The following GRIP1 variants were observed in gnomAD, a reference collection of about 807,000 sequenced individuals.
GRIP1 encodes glutamate receptor interacting protein 1, also known as glutamate receptor-interacting protein 1.
GRIP1 carries 45 observed loss-of-function variants against 129.9 expected under a neutral mutation model. The observed-to-expected ratio is 0.35, with a 90% CI of 0.27 to 0.44. The LOEUF (loss-of-function observed/expected upper bound fraction) is 0.44. Ranked by LOEUF, GRIP1 falls within the 20% of genes least tolerant of loss-of-function variation. The probability of loss-of-function intolerance (pLI) is 1.00; values close to 1 mark genes in which losing one functional copy is unlikely to be tolerated. For missense variants in GRIP1, 1,196 were observed against 1,396.8 expected, an observed-to-expected ratio of 0.86 and a Z score of 2.29; for synonymous variants, 530 against 520.8, an observed-to-expected ratio of 1.02 and a Z score of -0.24.
chr12:66,893,265 T>C (rs989122498), intron 1 of GRIP1, among the ~76,000 whole-genome samples: 1 of 151,968 alleles, frequency 6.6e-6, no homozygotes, highest in Admixed American at 6.5e-5. Context: ...TTATTATTTT[T>C]TGAGAAAGAG....
At chr12:67,058,404 T>C (rs1484556340) in intron 1 of GRIP1, among the ~76,000 whole-genome samples, 1 of 152,242 alleles carries the variant, frequency 6.6e-6, no homozygotes, top group African/African-American at 2.4e-5. Context: ...AAAAGACTTA[T>C]TAATTCTAAC....
chr12:66,505,177 A>G (rs2060495108), intron 7 of GRIP1, among the ~76,000 whole-genome samples: 1 of 152,232 alleles, frequency 6.6e-6, no homozygotes, highest in Non-Finnish European at 1.5e-5. Flanking sequence ...AGTCCTTAAA[A>G]GTAGAGGACT....
chr12:66,577,979 C>T (rs1019514886), intron 2 of GRIP1, among the ~76,000 whole-genome samples: 1 of 152,082 alleles, frequency 6.6e-6, no homozygotes, highest in Non-Finnish European at 1.5e-5. Context: ...ATCAACAAAA[C>T]AAATAAACAT....
At chr12:66,523,993 T>C (rs1310141778) in intron 5 of GRIP1, among the ~76,000 whole-genome samples, 2 of 152,152 alleles carry the variant, frequency 1.3e-5, no homozygotes, top group Non-Finnish European at 2.9e-5. Flanking sequence ...CCTAAATATA[T>C]ATACACCCAA....
At chr12:66,446,794 C>T (rs955316826) in intron 11 of GRIP1, among the ~76,000 whole-genome samples, 11 of 152,108 alleles carry the variant, frequency 7.2e-5, no homozygotes, top group Admixed American at 7.2e-4. Flanking sequence ...GCAATACCAC[C>T]CTACTTCCAC....
At chr12:66,808,477 G>A (rs35852284), upstream of GRIP1, among the ~76,000 whole-genome samples, 35,054 of 151,072 alleles carry the variant, frequency 0.23, 4,593 homozygotes, top group Non-Finnish European at 0.31. Context: ...TTTGTGTTTT[G>A]TTTGTTTGTT....
chr12:66,702,920 T>A (rs758733590), intron 1 of GRIP1, among the ~76,000 whole-genome samples: 1 of 152,158 alleles, frequency 6.6e-6, no homozygotes, highest in Admixed American at 6.6e-5. Flanking sequence ...AGAAACACCA[T>A]GAGATAAAAG....
chr12:66,831,751 G>T (rs527387093), intron 1 of GRIP1, among the ~76,000 whole-genome samples: 7 of 152,164 alleles, frequency 4.6e-5, no homozygotes, highest in African/African-American at 1.4e-4. Context: ...GACGAGCACG[G>T]TACAAAACCC....
intron 1 of GRIP1, among the ~76,000 whole-genome samples, chr12:66,617,085 T>TTGTGTGTGTGTGTGTGTGTGTGTG (rs71436017): frequency 1.5e-5 from 2 of 135,450 alleles, no homozygotes; most frequent in Non-Finnish European, 3.1e-5. Context: ...AACAGACGTT[T>TTGTGTGTGTGTGTGTGTGTGTGTG]TGTGTGTGTG....
At chr12:66,940,234 C>G (rs184116204) in intron 1 of GRIP1, among the ~76,000 whole-genome samples, 17 of 152,256 alleles carry the variant, frequency 1.1e-4, no homozygotes, top group Admixed American at 9.8e-4. Context: ...ACACATCACA[C>G]TCCTATTGCT....
chr12:66,389,070 C>T (rs2056475642), intron 19 of GRIP1, among the ~76,000 whole-genome samples: 1 of 152,182 alleles, frequency 6.6e-6, no homozygotes, highest in African/African-American at 2.4e-5. Flanking sequence ...GCAACTATTA[C>T]AGCCTTAAAG....
intron 1 of GRIP1, among the ~76,000 whole-genome samples, chr12:67,065,679 AT>A (rs2043613032): frequency 6.6e-6 from 1 of 152,210 alleles, no homozygotes; most frequent in African/African-American, 2.4e-5. Flanking sequence ...CTAACTACAC[AT>A]TATTAAACAC....
chr12:66,836,273 A>G (rs2039611797), intron 1 of GRIP1, among the ~76,000 whole-genome samples: 1 of 152,106 alleles, frequency 6.6e-6, no homozygotes, highest in Non-Finnish European at 1.5e-5. Flanking sequence ...AGAAGAGTTC[A>G]AGCCCAGGAA....
chr12:66,531,252 A>AATATAT (rs71069009), intron 4 of GRIP1, among the ~76,000 whole-genome samples: 116 of 19,306 alleles, frequency 6.0e-3, no homozygotes, highest in Non-Finnish European at 7.1e-3. Context: ...AAAAAAAAAA[A>AATATAT]ATATATATAT....
At chr12:66,769,678 G>A (rs1006585912) in intron 1 of GRIP1, among the ~76,000 whole-genome samples, 1 of 151,602 alleles carries the variant, frequency 6.6e-6, no homozygotes, top group Non-Finnish European at 1.5e-5. Flanking sequence ...CAAATCCTCT[G>A]AATATAGGAG....
At chr12:66,926,191 A>T (rs991022671) in intron 1 of GRIP1, among the ~76,000 whole-genome samples, 1 of 152,026 alleles carries the variant, frequency 6.6e-6, no homozygotes, top group East Asian at 1.9e-4. Context: ...TTTGTTTAAA[A>T]TTCTCAGTGT....
intron 1 of GRIP1, among the ~76,000 whole-genome samples, chr12:66,625,319 T>C (rs1184632251): frequency 6.6e-6 from 1 of 152,182 alleles, no homozygotes; most frequent in Non-Finnish European, 1.5e-5. Flanking sequence ...CTGAACTGAC[T>C]CCTTGATCTG....
chr12:66,685,260 T>C (rs888203969), intron 1 of GRIP1, among the ~76,000 whole-genome samples: 1 of 152,094 alleles, frequency 6.6e-6, no homozygotes, highest in Non-Finnish European at 1.5e-5. Flanking sequence ...AATGTCTGAG[T>C]AGTTCTTTGG....
chr12:66,652,005 G>A (rs1865043444), intron 1 of GRIP1, among the ~76,000 whole-genome samples: 1 of 152,152 alleles, frequency 6.6e-6, no homozygotes, highest in Admixed American at 6.6e-5. Flanking sequence ...AGGGGGTTCT[G>A]AGGAGTATGT....
Sources: allele counts gnomAD v4.1 joint callset (sites outside exome capture counted in the v4.1 genomes callset), GRCh38; gene constraint gnomAD v4.1.1; transcripts MANE v1.5; gene names NCBI Gene and HGNC (gene_info 2026-07-23, HGNC 2026-07-21).